KCNQ5: variants seen among roughly 807,000 people sequenced by gnomAD.
KCNQ5 encodes the protein potassium voltage-gated channel subfamily KQT member 5.
Under a neutral mutation model 98.2 loss-of-function variants are expected in KCNQ5, and 30 were observed. The ratio of observed to expected loss-of-function variants is 0.31; its 90% CI spans 0.23 to 0.41. The LOEUF (loss-of-function observed/expected upper bound fraction) is 0.41, where lower values mean the gene tolerates loss of function less well. Among genes scored for constraint, KCNQ5 ranks in the 10% least tolerant of loss-of-function variants. KCNQ5 has a pLI of 1.00. For synonymous variants in KCNQ5, 458 were observed against 449.4 expected, an observed-to-expected ratio of 1.02 and a Z score of -0.24; for missense variants, 835 against 1,182.5, an observed-to-expected ratio of 0.71 and a Z score of 4.31.
rs1282319263 is a variant in KCNQ5 at position 73,142,676 on chromosome 6, G to A, written c.1468+9035G>A. ...CATGCCTGTAATCCCAGCACTTTGG[G>A]AGGCTGAGGGGGATGGATCACCTGA... is the stretch of plus-strand genomic sequence containing the variant. On this transcript the variant is annotated intron_variant, in intron 10 of 13. Coordinates refer to ENST00000370398, the MANE Select transcript of KCNQ5 (RefSeq NM_019842.4). 4.6e-5 allele frequency among the ~76,000 whole-genome samples: 7 copies of A among 152,268 alleles called. 1 individual carries two copies. The highest frequency in any genetic ancestry group is 4.6e-4 in the Admixed American group (7 of 15,296).
At chr6:73,007,147 T>A (rs1408193160) in intron 2 of KCNQ5, among the ~76,000 whole-genome samples, 1 of 152,224 alleles carries the variant, frequency 6.6e-6, no homozygotes, top group African/African-American at 2.4e-5. Flanking sequence ...TGTAAACTTG[T>A]AACTTCACAA....
chr6:73,014,145 GGT>G (rs1315382562), intron 2 of KCNQ5, among the ~76,000 whole-genome samples: 1 of 151,992 alleles, frequency 6.6e-6, no homozygotes, highest in Admixed American at 6.6e-5. Flanking sequence ...AAAGGTTGTA[GGT>G]TTTAGCATTG....
chr6:72,676,894 C>CA (rs1767439444), intron 1 of KCNQ5, among the ~76,000 whole-genome samples: 1 of 151,858 alleles, frequency 6.6e-6, no homozygotes, highest in Non-Finnish European at 1.5e-5. Flanking sequence ...TTTTGGATAA[C>CA]AGGAGTCTTT....
intron 1 of KCNQ5, among the ~76,000 whole-genome samples, chr6:72,813,185 T>C (rs1016554530): frequency 6.6e-6 from 1 of 152,156 alleles, no homozygotes; most frequent in African/African-American, 2.4e-5. Context: ...ATGACTAAAG[T>C]GAACAGTGAG....
chr6:73,046,332 C>T (rs1317214899), intron 3 of KCNQ5, among the ~76,000 whole-genome samples: 2 of 152,134 alleles, frequency 1.3e-5, no homozygotes, highest in Non-Finnish European at 2.9e-5. Flanking sequence ...TCTTCTGCAA[C>T]TTATTACTTC....
At chr6:73,139,306 A>G (rs1206880118) in intron 10 of KCNQ5, among the ~76,000 whole-genome samples, 1 of 152,344 alleles carries the variant, frequency 6.6e-6, no homozygotes, top group South Asian at 2.1e-4. Context: ...GTCACCAGTC[A>G]GGACCCAGCA....
rs78195656 is a variant in KCNQ5 at position 73,178,743 on chromosome 6, G to C, written c.1577+8889G>C. Among the ~76,000 whole-genome samples the C allele has an allele frequency of 2.5e-4, 38 of 152,280 alleles. No individual in the cohort carries two copies. In the East Asian group the frequency reaches 6.2e-3, roughly 25 times the overall value. On this transcript the variant is annotated intron_variant, in intron 11 of 13. Coordinates refer to ENST00000370398, the MANE Select transcript of KCNQ5 (RefSeq NM_019842.4). ...TCTAGTAACCCGATCTAAGATGAAA[G>C]AAGAGTAGAGGAATCTTAGATATAT...
At chr6:72,853,460 C>T (rs1373650655) in intron 1 of KCNQ5, among the ~76,000 whole-genome samples, 3 of 152,136 alleles carry the variant, frequency 2.0e-5, no homozygotes, top group Non-Finnish European at 4.4e-5. Context: ...TCTCCTGTCT[C>T]AACCACCCGA....
At chr6:73,112,718 A>G (rs145197575) in intron 7 of KCNQ5, among the ~76,000 whole-genome samples, 3 of 152,276 alleles carry the variant, frequency 2.0e-5, no homozygotes, top group Admixed American at 2.0e-4. Context: ...CACAACCCCT[A>G]CCTTTAGTGT....
intron 8 of KCNQ5, among the ~76,000 whole-genome samples, chr6:73,120,970 A>G (rs1014148352): frequency 2.0e-5 from 3 of 152,176 alleles, no homozygotes; most frequent in Non-Finnish European, 4.4e-5. Flanking sequence ...AGAGTAATCC[A>G]TCTTTGTACG....
chr6:72,967,157 T>C (rs1303023600), intron 1 of KCNQ5, among the ~76,000 whole-genome samples: 2 of 152,202 alleles, frequency 1.3e-5, no homozygotes, highest in East Asian at 1.9e-4. Context: ...TGAACTTCCA[T>C]AAATTTAATG....
At chr6:73,070,120 T>C (rs1338397074) in intron 3 of KCNQ5, among the ~76,000 whole-genome samples, 1 of 152,248 alleles carries the variant, frequency 6.6e-6, no homozygotes, top group East Asian at 1.9e-4. Context: ...ATATGAGGTC[T>C]GTATCAGAAT....
chr6:72,628,910 G>C (rs545526852), intron 1 of KCNQ5, among the ~76,000 whole-genome samples: 11 of 152,192 alleles, frequency 7.2e-5, no homozygotes, highest in African/African-American at 2.2e-4. Flanking sequence ...ACCACACCTG[G>C]CCCAAAGTGA....
In KCNQ5 at chr6:73,194,810, T is replaced by C. The variant is rs139694067; in HGVS notation, c.2195T>C (p.Ile732Thr). ...TCAGCAGTGGCAGCCACCAACACCA[T>C]TGCAAACCAAATAAATACGGCACCC... ...DGSAVAATNT[I>T]ANQINTAPKP... Residue 732 changes from isoleucine (I) to threonine (T), a missense_variant, in exon 14 of 14, where the codon ATT (isoleucine) becomes ACT (threonine). By Grantham distance (89) the Ile-to-Thr change is moderately conservative. Coordinates refer to ENST00000370398, the MANE Select transcript of KCNQ5 (RefSeq NM_019842.4). 3.7e-6 allele frequency: 6 copies of C among 1,613,956 alleles called. No individual in the cohort carries two copies. The highest frequency in any genetic ancestry group is 1.1e-5 in the South Asian group (1 of 91,080).
At chr6:72,983,440 C>T (rs1161795368) in intron 1 of KCNQ5, among the ~76,000 whole-genome samples, 7 of 152,206 alleles carry the variant, frequency 4.6e-5, no homozygotes, top group African/African-American at 1.7e-4. Context: ...ATCACTGATA[C>T]CCTTTCTTCC....
chr6:72,838,954 A>AAAAAAAAG, intron 1 of KCNQ5, among the ~76,000 whole-genome samples: 1 of 147,900 alleles, frequency 6.8e-6, no homozygotes, highest in Non-Finnish European at 1.5e-5. Context: ...CGTCTCAAAA[A>AAAAAAAAG]AAAAAAAAAA....
chr6:72,785,078 A>T (rs1041208142), intron 1 of KCNQ5, among the ~76,000 whole-genome samples: 2 of 152,246 alleles, frequency 1.3e-5, no homozygotes, highest in African/African-American at 4.8e-5. Flanking sequence ...ATTGACCAAC[A>T]CTAAAGTGCT....
At chr6:72,638,270 A>G (rs1666791483) in intron 1 of KCNQ5, among the ~76,000 whole-genome samples, 1 of 152,066 alleles carries the variant, frequency 6.6e-6, no homozygotes, top group African/African-American at 2.4e-5. Flanking sequence ...GTTTCACAGT[A>G]TCTCTAGCAG....
intron 1 of KCNQ5, among the ~76,000 whole-genome samples, chr6:72,716,832 C>A (rs529983603): frequency 6.6e-6 from 1 of 152,254 alleles, no homozygotes; most frequent in East Asian, 1.9e-4. Context: ...CATAAAGTGA[C>A]GTATAAACTT....
Sources: allele counts gnomAD v4.1 joint callset (sites outside exome capture counted in the v4.1 genomes callset), GRCh38; gene constraint gnomAD v4.1.1; transcripts MANE v1.5; gene names NCBI Gene and HGNC (gene_info 2026-07-23, HGNC 2026-07-21).